TRIM24: variants seen among roughly 807,000 people sequenced by gnomAD.
TRIM24 encodes tripartite motif containing 24.
Under a neutral mutation model 123.9 loss-of-function variants are expected in TRIM24, and 29 were observed. That is an observed-to-expected ratio of 0.23 (90% CI 0.17 to 0.32). The LOEUF (loss-of-function observed/expected upper bound fraction) is 0.32, where lower values mean the gene tolerates loss of function less well. TRIM24 is among the 10% of genes least tolerant of loss of function. The probability of loss-of-function intolerance (pLI) is 1.00; values close to 1 mark genes in which losing one functional copy is unlikely to be tolerated. For missense variants in TRIM24, 932 were observed against 1,295.3 expected (o/e 0.72, Z 4.31); for synonymous variants, 456 against 461.1 (o/e 0.99, Z 0.14).
At chr7:138,576,741 A>G (rs1797769177) in intron 13 of TRIM24, among the ~76,000 whole-genome samples, 1 of 152,228 alleles carries the variant, frequency 6.6e-6, no homozygotes, top group Non-Finnish European at 1.5e-5. Context: ...TACACTATAT[A>G]GAAACACAAA....
chr7:138,471,671 G>A (rs187683826), intron 1 of TRIM24, among the ~76,000 whole-genome samples: 5 of 152,080 alleles, frequency 3.3e-5, no homozygotes, highest in Admixed American at 3.3e-4. Flanking sequence ...CTCCCCAACA[G>A]CTGGGATTAC....
Position 138,567,653 on chromosome 7 carries a change from A to G in TRIM24, c.1703A>G (p.Gln568Arg), listed in dbSNP as rs528437838. 12 of 1,604,020 alleles carry G rather than the reference A, an allele frequency of 7.5e-6. No homozygotes were observed. The highest frequency in any genetic ancestry group is 1.7e-5 in the Admixed American group (1 of 57,910). Residue 568 changes from glutamine to arginine, a missense_variant and splice_region_variant, in exon 10 of 19, where the codon CAG (glutamine) becomes CGG (arginine). Around this residue, in one of 7 missense-constraint regions of TRIM24, gnomAD observed 527 missense variants for 691.3 expected, o/e 0.76. Coordinates refer to ENST00000343526, the MANE Select transcript of TRIM24 (RefSeq NM_015905.3). ...TTCTTGGCTCAACAAGCCATAAAAC[A>G]GGTATATATCTACCTTCTTTTCTCA... ...MAFLAQQAIK[Q>R]WQISSGQGTP... is the part of the protein sequence containing the mutation.
intron 1 of TRIM24, among the ~76,000 whole-genome samples, chr7:138,475,884 T>C (rs922724295): frequency 2.0e-5 from 3 of 152,162 alleles, no homozygotes; most frequent in South Asian, 2.1e-4. Flanking sequence ...GGCAAAGATA[T>C]GCCAGACAAA....
intron 1 of TRIM24, among the ~76,000 whole-genome samples, chr7:138,472,879 T>C (rs1352179451): frequency 6.6e-6 from 1 of 152,234 alleles, no homozygotes; most frequent in Non-Finnish European, 1.5e-5. Flanking sequence ...AAAAAAATTT[T>C]TTTTTTAAAT....
Position 138,571,064 on chromosome 7 carries a change from T to G in TRIM24, c.1878+61T>G, listed in dbSNP as rs1797645575. The G allele has an allele frequency of 1.9e-6, 3 of 1,542,950 alleles. No individual in the cohort carries two copies. In the East Asian group the frequency reaches 6.8e-5, roughly 35 times the overall value. ...AAAACTGTTGGCCGGGTGCAGTGGC[T>G]CACTCCTGTAATCCCAGCACTTTGG... On this transcript the variant is annotated intron_variant, in intron 11 of 18. Transcript: ENST00000343526.
intron 1 of TRIM24, among the ~76,000 whole-genome samples, chr7:138,463,989 C>CTTTTTTTTTTTTTTTGTTTTT (rs1795073412): frequency 2.0e-5 from 1 of 50,766 alleles, no homozygotes; most frequent in Non-Finnish European, 3.6e-5. Context: ...AAAATTTAGA[C>CTTTTTTTTTTTTTTTGTTTTT]TTTTTTTTTT....
chr7:138,550,954 G>A (rs1203668940), intron 7 of TRIM24, 109 bp from the exon 8 acceptor site: 1 of 847,602 alleles, frequency 1.2e-6, no homozygotes, highest in South Asian at 1.7e-5. Context: ...ACCTATATAT[G>A]ATTGTTTATT....
rs1797440881 is a variant in TRIM24 at position 138,562,160 on chromosome 7, AG to A, written c.1531-5319del. ...TTCTTGGGTTGGGGCTGCCAAAAAAAGGTCATCTATATATTGCAGCAAGGTG... is the reference window on the plus strand; with the variant it reads ...TTCTTGGGTTGGGGCTGCCAAAAAAAGTCATCTATATATTGCAGCAAGGTG... On this transcript the variant is annotated intron_variant, in intron 9 of 18. Coordinates refer to ENST00000343526, the MANE Select transcript of TRIM24 (RefSeq NM_015905.3). Among the ~76,000 whole-genome samples, 5 of 152,248 alleles carry A rather than the reference AG, an allele frequency of 3.3e-5. No homozygotes were observed. The South Asian group carries it at 8.3e-4, about 25-fold the overall frequency.
At chr7:138,582,300 T>G (rs1158450363) in intron 17 of TRIM24, among the ~76,000 whole-genome samples, 1 of 152,132 alleles carries the variant, frequency 6.6e-6, no homozygotes, top group Admixed American at 6.5e-5. Context: ...CCCAGCACTT[T>G]GGGAGGCCGA....
At chr7:138,512,747 T>C (rs761891850) in intron 2 of TRIM24, among the ~76,000 whole-genome samples, 1 of 152,094 alleles carries the variant, frequency 6.6e-6, no homozygotes, top group African/African-American at 2.4e-5. Context: ...CCTCTGGGCC[T>C]GTGACAACAG....
Position 138,578,561 on chromosome 7 carries a change from T to TGCGC in TRIM24, c.2257-642_2257-641insCGCG, listed in dbSNP as rs1218926959. Reference sequence around the variant, plus strand: ...GTGTGTGTGTGTGTGTGTGTGTGTGTGTGCGCGCACGCACGAATGGAAGCA... The same window carrying TGCGC: ...GTGTGTGTGTGTGTGTGTGTGTGTGTGCGCGTGCGCGCACGCACGAATGGAAGCA... On this transcript the variant is annotated intron_variant, in intron 14 of 18. Coordinates refer to ENST00000343526, the MANE Select transcript of TRIM24 (RefSeq NM_015905.3). 2.5e-3 allele frequency among the ~76,000 whole-genome samples: 252 copies of TGCGC among 99,564 alleles called. 1 individual carries two copies. The East Asian group carries it at 0.041, about 16-fold the overall frequency. 65.3% of individuals were successfully genotyped at this position (99,564 alleles called of 152,430 possible). A position where few individuals can be genotyped will look rare whatever the true frequency, so the allele number is the denominator to read the frequency against.
Position 138,555,001 on chromosome 7 carries a change from A to G in TRIM24, c.1530+35A>G, listed in dbSNP as rs763078736. On this transcript the variant is annotated intron_variant, in intron 9 of 18. Coordinates refer to ENST00000343526, the MANE Select transcript of TRIM24 (RefSeq NM_015905.3). ...GAAGCAGGCCTGTCCTCACTTAGAT[A>G]ATTATAGTATAATTGTGTTTAGCAG... 2.5e-6 allele frequency: 4 copies of G among 1,598,928 alleles called. No homozygotes were observed. In the Admixed American group the frequency reaches 6.8e-5, roughly 27 times the overall value.
intron 6 of TRIM24, among the ~76,000 whole-genome samples, chr7:138,531,742 A>G (rs1050203322): frequency 1.3e-5 from 2 of 152,188 alleles, no homozygotes; most frequent in African/African-American, 4.8e-5. Context: ...CAGTAATGGA[A>G]TGGCTGGGTC....
At chr7:138,583,801 C>A in intron 17 of TRIM24, 49 bp from the exon 18 acceptor site, 1 of 1,277,026 alleles carries the variant, frequency 7.8e-7, no homozygotes, top group Non-Finnish European at 1.1e-6. Context: ...ATATTTAGGA[C>A]AAGGTGGAAT....
chr7:138,475,441 T>A (rs1795376189), intron 1 of TRIM24, among the ~76,000 whole-genome samples: 1 of 152,202 alleles, frequency 6.6e-6, no homozygotes, highest in African/African-American at 2.4e-5. Flanking sequence ...ATAGTGATAT[T>A]AGTAAATGGG....
At chr7:138,543,379 T>C (rs76173978) in intron 7 of TRIM24, among the ~76,000 whole-genome samples, 2,777 of 152,302 alleles carry the variant, frequency 0.018, 70 homozygotes, top group African/African-American at 0.061. Flanking sequence ...ATAATTTGCC[T>C]GTAATGCATG....
chr7:138,500,246 A>G (rs1796007159), intron 1 of TRIM24, among the ~76,000 whole-genome samples: 1 of 152,194 alleles, frequency 6.6e-6, no homozygotes, highest in Non-Finnish European at 1.5e-5. Flanking sequence ...CAAAAACTTG[A>G]AACATTTCAT....
At chr7:138,484,120 T>C (rs902449264) in intron 1 of TRIM24, among the ~76,000 whole-genome samples, 14 of 152,096 alleles carry the variant, frequency 9.2e-5, no homozygotes, top group Non-Finnish European at 7.4e-5. Flanking sequence ...AGATTTTTTT[T>C]TTTTTTGAGA....
chr7:138,463,096 G>A (rs998587777), intron 1 of TRIM24, among the ~76,000 whole-genome samples: 10 of 124,048 alleles, frequency 8.1e-5, no homozygotes, highest in Middle Eastern at 0.012. Context: ...CTCCATGTTG[G>A]TCAGGCTGGT....
Sources: gnomAD v4.1 joint callset for allele counts (sites outside exome capture counted in the v4.1 genomes callset) on GRCh38, gnomAD v4.1.1 for gene constraint, gnomAD v4.1.1 regional missense constraint, MANE v1.5 for transcripts, NCBI Gene and HGNC (gene_info 2026-07-23, HGNC 2026-07-21) for gene names.